The following FGF12 variants were observed in gnomAD, a reference collection of about 807,000 sequenced individuals.
FGF12 encodes fibroblast growth factor 12B.
In FGF12, 14 loss-of-function variants were observed where a neutral mutation model predicts 23.6. The ratio of observed to expected loss-of-function variants is 0.59; its 90% CI spans 0.39 to 0.93. The LOEUF is 0.93. FGF12 is among the 40% of genes least tolerant of loss of function. The pLI, the probability that FGF12 is intolerant of heterozygous loss-of-function variation, is 0.00. For synonymous variants in FGF12, 62 were observed against 77.3 expected, an observed-to-expected ratio of 0.80 and a Z score of 1.04; for missense variants, 175 against 217.8, an observed-to-expected ratio of 0.80 and a Z score of 1.24.
chr3:192,550,902 C>A (rs1182258076), intron 2 of FGF12, among the ~76,000 whole-genome samples: 3 of 151,878 alleles, frequency 2.0e-5, no homozygotes, highest in African/African-American at 4.8e-5. Context: ...CAAAATTATC[C>A]CCATTTATTT....
chr3:192,592,435 C>T (rs1158620437), intron 2 of FGF12, among the ~76,000 whole-genome samples: 1 of 151,834 alleles, frequency 6.6e-6, no homozygotes, highest in East Asian at 1.9e-4. Flanking sequence ...AAACTGTGTC[C>T]TCCTGATCCT....
chr3:192,506,986 G>C (rs3933047), intron 2 of FGF12, among the ~76,000 whole-genome samples: 1 of 151,100 alleles, frequency 6.6e-6, no homozygotes, highest in Non-Finnish European at 1.5e-5. Flanking sequence ...CCGCCTCCTG[G>C]GTTCACGCCA....
At chr3:192,695,378 G>T (rs1392514230) in intron 2 of FGF12, among the ~76,000 whole-genome samples, 1 of 152,040 alleles carries the variant, frequency 6.6e-6, no homozygotes, top group African/African-American at 2.4e-5. Context: ...TTCATTCTTT[G>T]AGGTGGAAGG....
intron 2 of FGF12, among the ~76,000 whole-genome samples, chr3:192,593,717 G>A (rs962238756): frequency 1.3e-5 from 2 of 151,872 alleles, no homozygotes; most frequent in Non-Finnish European, 2.9e-5. Context: ...TTTTTCTGCG[G>A]TGCACTTTTA....
intron 2 of FGF12, among the ~76,000 whole-genome samples, chr3:192,707,992 C>T (rs1333681597): frequency 1.3e-5 from 2 of 152,110 alleles, no homozygotes; most frequent in Non-Finnish European, 2.9e-5. Flanking sequence ...CGGAGTCTCG[C>T]TCTGTCACCC....
chr3:192,580,313 A>G (rs1713080444), intron 2 of FGF12, among the ~76,000 whole-genome samples: 1 of 140,672 alleles, frequency 7.1e-6, no homozygotes, highest in South Asian at 2.2e-4. Context: ...TGGAGTCAAC[A>G]TTTCTATTTT....
intron 2 of FGF12, among the ~76,000 whole-genome samples, chr3:192,403,549 T>TG (rs1194679731): frequency 2.0e-5 from 3 of 149,406 alleles, no homozygotes; most frequent in Non-Finnish European, 3.0e-5. Flanking sequence ...GTCTTACTGT[T>TG]TTTTTTTTTT....
chr3:192,578,729 A>T (rs1403945677), intron 2 of FGF12, among the ~76,000 whole-genome samples: 1 of 152,210 alleles, frequency 6.6e-6, no homozygotes, highest in Non-Finnish European at 1.5e-5. Flanking sequence ...AAATGAAAAG[A>T]AAAAAACAAC....
intron 2 of FGF12, among the ~76,000 whole-genome samples, chr3:192,718,174 T>C (rs1718923287): frequency 6.8e-6 from 1 of 147,482 alleles, no homozygotes; most frequent in South Asian, 2.1e-4. Flanking sequence ...TTTTTTTTTT[T>C]TTTTTTTTTT....
intron 2 of FGF12, among the ~76,000 whole-genome samples, chr3:192,641,564 C>G (rs551901522): frequency 3.0e-4 from 46 of 151,820 alleles, no homozygotes; most frequent in African/African-American, 1.1e-3. Context: ...ACCACCATGC[C>G]CAACTAATTT....
chr3:192,599,804 GAT>G lies in FGF12; in HGVS notation c.13+127375_13+127376del, dbSNP rs113296105. On this transcript the variant is annotated intron_variant, in intron 2 of 5. Coordinates refer to ENST00000445105, the MANE Select transcript of FGF12 (RefSeq NM_004113.6). ...AAAACATGTAAATAATACAAATAGTGATATATATGTTTTAAAAATAAAGTATC... is the reference window on the plus strand; with the variant it reads ...AAAACATGTAAATAATACAAATAGTGATATATGTTTTAAAAATAAAGTATC... Among the ~76,000 whole-genome samples, 975 of 152,056 alleles carry G rather than the reference GAT, an allele frequency of 6.4e-3. 14 individuals are homozygous for G. Among genetic ancestry groups the G allele is most frequent in the African/African-American group, 0.022 (928 of 41,478 alleles).
chr3:192,716,205 G>A (rs1371863737), intron 2 of FGF12, among the ~76,000 whole-genome samples: 1 of 152,162 alleles, frequency 6.6e-6, no homozygotes, highest in Non-Finnish European at 1.5e-5. Context: ...AACCCTAGGG[G>A]TGGGGCCCAG....
intron 4 of FGF12, among the ~76,000 whole-genome samples, chr3:192,265,910 A>G (rs1187198832): frequency 1.3e-5 from 2 of 152,186 alleles, no homozygotes; most frequent in East Asian, 3.8e-4. Flanking sequence ...TCTTTTGGCC[A>G]GAAAATAAAC....
At chr3:192,355,044 A>G (rs1020577685) in intron 3 of FGF12, among the ~76,000 whole-genome samples, 10 of 152,202 alleles carry the variant, frequency 6.6e-5, no homozygotes, top group African/African-American at 2.4e-4. Flanking sequence ...TTTGTTGACT[A>G]GATGATAAGG....
chr3:192,633,227 G>A (rs1018394593), intron 2 of FGF12, among the ~76,000 whole-genome samples: 4 of 151,984 alleles, frequency 2.6e-5, no homozygotes, highest in Admixed American at 2.6e-4. Context: ...TGTATTTTTA[G>A]TAGAGACAAG....
At position 192,157,996 on chromosome 3, in the gene FGF12, A is replaced by G. The variant is rs148021777; in HGVS notation, c.427+12462T>C. 7.6e-3 allele frequency among the ~76,000 whole-genome samples: 1,161 copies of G among 152,318 alleles called. 17 individuals carry two copies. Among genetic ancestry groups the G allele is most frequent in the African/African-American group, 0.027 (1,117 of 41,578 alleles). On this transcript the variant is annotated intron_variant, in intron 5 of 5. Transcript: ENST00000445105. Reference sequence around the variant, plus strand: ...AACCTGTCCAAAGTAATATAGCAATACAGGGCAGTCAGCTTTAAAATCCAT... The same window carrying G: ...AACCTGTCCAAAGTAATATAGCAATGCAGGGCAGTCAGCTTTAAAATCCAT...
chr3:192,252,997 A>C (rs914767245), intron 4 of FGF12, among the ~76,000 whole-genome samples: 3 of 152,190 alleles, frequency 2.0e-5, no homozygotes, highest in Non-Finnish European at 2.9e-5. Flanking sequence ...GTTGAAATGC[A>C]TATCCTTGAA....
chr3:192,398,398 T>C (rs1720618360), intron 2 of FGF12, among the ~76,000 whole-genome samples: 1 of 147,166 alleles, frequency 6.8e-6, no homozygotes, highest in Non-Finnish European at 1.5e-5. Context: ...TTTTTTTTTT[T>C]TTTCTGAGAC....
chr3:192,210,429 G>A (rs1294046432), intron 4 of FGF12, among the ~76,000 whole-genome samples: 3 of 152,234 alleles, frequency 2.0e-5, no homozygotes, highest in Non-Finnish European at 4.4e-5. Flanking sequence ...AGAGCCAAGA[G>A]TAGTTCATGT....
Sources: gnomAD v4.1 joint callset for allele counts (sites outside exome capture counted in the v4.1 genomes callset) on GRCh38, gnomAD v4.1.1 for gene constraint, MANE v1.5 for transcripts, NCBI Gene and HGNC (gene_info 2026-07-23, HGNC 2026-07-21) for gene names.